PRCP: variants seen among roughly 807,000 people sequenced by gnomAD.
The protein encoded by PRCP is prolylcarboxypeptidase, also known as lysosomal Pro-X carboxypeptidase.
In PRCP, 46 loss-of-function variants were observed where a neutral mutation model predicts 54.2. The ratio of observed to expected loss-of-function variants is 0.85; its 90% CI spans 0.67 to 1.09. The LOEUF is 1.09. PRCP is among the 50% of genes least tolerant of loss of function. PRCP has a pLI of 0.00. For synonymous variants in PRCP, 240 were observed against 212.2 expected, an observed-to-expected ratio of 1.13 and a Z score of -1.14; for missense variants, 613 against 596.8, an observed-to-expected ratio of 1.03 and a Z score of -0.28.
intron 8 of PRCP, chr11:82,835,847 C>T: frequency 2.0e-6 from 1 of 499,086 alleles, no homozygotes. Flanking sequence ...TGACATTATG[C>T]TTGGCAATAA....
intron 7 of PRCP, among the ~76,000 whole-genome samples, 184 bp from the exon 8 acceptor site, chr11:82,838,758 G>C (rs1233570719): frequency 6.6e-6 from 1 of 152,112 alleles, no homozygotes; most frequent in African/African-American, 2.4e-5. Context: ...AAAAGACTTG[G>C]CCAAGAAGTC....
intron 5 of PRCP, among the ~76,000 whole-genome samples, 156 bp from the exon 6 acceptor site, chr11:82,849,374 C>G (rs1308877124): frequency 1.3e-5 from 2 of 152,212 alleles, no homozygotes; most frequent in Non-Finnish European, 2.9e-5. Context: ...CCATGACAGA[C>G]AAGTTGCCTA....
At chr11:82,851,753 C>G (rs181386066) in intron 3 of PRCP, among the ~76,000 whole-genome samples, 3 of 152,230 alleles carry the variant, frequency 2.0e-5, no homozygotes, top group Non-Finnish European at 2.9e-5. Flanking sequence ...TTTGGTCTCA[C>G]CATCCTGATT....
chr11:82,831,700 A>G (rs752308973), intron 8 of PRCP, among the ~76,000 whole-genome samples: 1 of 152,164 alleles, frequency 6.6e-6, no homozygotes, highest in Non-Finnish European at 1.5e-5. Context: ...GATACTTTCC[A>G]CAGGGCTCCT....
intron 1 of PRCP, among the ~76,000 whole-genome samples, chr11:82,897,255 AAATAATTAGTAAAG>A (rs1437649073): frequency 6.6e-6 from 1 of 152,216 alleles, no homozygotes; most frequent in Admixed American, 6.5e-5. Context: ...AAGGAGGAAA[AAATAATTAGTAAAG>A]AATTAAAGTA....
intron 3 of PRCP, among the ~76,000 whole-genome samples, chr11:82,852,837 G>C (rs1156527001): frequency 1.3e-5 from 2 of 152,010 alleles, no homozygotes; most frequent in African/African-American, 2.4e-5. Flanking sequence ...CCAGTGGCAG[G>C]CTCAATAATT....
At chr11:82,900,496 C>A, upstream of PRCP, 1 of 1,472,188 alleles carries the variant, frequency 6.8e-7, no homozygotes, top group Non-Finnish European at 9.2e-7. Flanking sequence ...CAGCTCCGCC[C>A]GCCGCAAAAC....
intron 1 of PRCP, among the ~76,000 whole-genome samples, chr11:82,866,095 T>A (rs1033373315): frequency 7.9e-5 from 12 of 152,220 alleles, no homozygotes; most frequent in African/African-American, 2.9e-4. Context: ...TTCTTCTTTA[T>A]TATGTCAAGG....
intron 2 of PRCP, among the ~76,000 whole-genome samples, chr11:82,854,329 T>C (rs1859028554): frequency 1.3e-5 from 2 of 152,090 alleles, no homozygotes; most frequent in Admixed American, 6.5e-5. Context: ...ATTTAATGTA[T>C]AAAAATCAGT....
At chr11:82,877,078 G>A (rs1859622228) in intron 1 of PRCP, among the ~76,000 whole-genome samples, 1 of 152,190 alleles carries the variant, frequency 6.6e-6, no homozygotes, top group Non-Finnish European at 1.5e-5. Context: ...GGTGACTCTT[G>A]TTATGTTTTA....
intron 1 of PRCP, among the ~76,000 whole-genome samples, chr11:82,899,300 A>G (rs1413200500): frequency 2.6e-5 from 4 of 152,210 alleles, no homozygotes; most frequent in African/African-American, 9.7e-5. Context: ...CTCTCATTCA[A>G]CCATCACCAC....
At chr11:82,843,016 A>G (rs1223514073) in intron 6 of PRCP, among the ~76,000 whole-genome samples, 1 of 152,246 alleles carries the variant, frequency 6.6e-6, no homozygotes, top group East Asian at 1.9e-4. Context: ...TTTAAAGACT[A>G]GAGTAACTCA....
intron 1 of PRCP, among the ~76,000 whole-genome samples, chr11:82,866,692 T>C (rs1859344784): frequency 6.6e-6 from 1 of 152,124 alleles, no homozygotes; most frequent in South Asian, 2.1e-4. Context: ...AGTGCCCTTG[T>C]ACATGGCAGA....
At chr11:82,900,846 C>T (rs1477883640), upstream of PRCP, 2 of 459,912 alleles carry the variant, frequency 4.3e-6, no homozygotes, top group Admixed American at 4.7e-5. Flanking sequence ...TCCTGCCTTC[C>T]GCAAATCCTA....
intron 8 of PRCP, chr11:82,828,397 T>C (rs528606648): frequency 2.0e-5 from 3 of 152,258 alleles, no homozygotes; most frequent in African/African-American, 4.8e-5. Flanking sequence ...CCTAATCTCA[T>C]TGAAACAGAT....
rs756222029 is a variant in PRCP at position 82,844,747 on chromosome 11, A to AAAAAG, written c.921+4301_921+4302insCTTTT. 1.3e-3 allele frequency among the ~76,000 whole-genome samples: 177 copies of AAAAAG among 136,072 alleles called. 2 individuals are homozygous for AAAAAG. The highest frequency in any genetic ancestry group is 3.8e-3 in the African/African-American group (132 of 34,806). The allele number at this position is 136,072 out of a possible 152,430, so 89.3% of individuals were successfully genotyped here. A position where few individuals can be genotyped will look rare whatever the true frequency, so the allele number is the denominator to read the frequency against. On this transcript the variant is annotated intron_variant, in intron 6 of 8. Transcript: ENST00000313010. ...GGCTCCGTCTCAAAAAAAAAAAAAA[A>AAAAAG]AAAGAAAGAAAGAAAGAAAGAAAAG...
chr11:82,879,108 G>GATA, intron 1 of PRCP, among the ~76,000 whole-genome samples: 1 of 152,270 alleles, frequency 6.6e-6, no homozygotes, highest in East Asian at 1.9e-4. Flanking sequence ...AGTTCTCCTG[G>GATA]ATAATATCCT....
intron 8 of PRCP, 106 bp downstream of exon 8, chr11:82,838,280 TG>T (rs1325794062): frequency 9.5e-7 from 1 of 1,056,812 alleles, no homozygotes; most frequent in Admixed American, 2.4e-5. Context: ...GTAGCACTGT[TG>T]TATTCTATGT....
intron 6 of PRCP, among the ~76,000 whole-genome samples, chr11:82,844,507 C>T (rs1276244741): frequency 6.6e-6 from 1 of 151,948 alleles, no homozygotes; most frequent in Non-Finnish European, 1.5e-5. Context: ...GAGGCTGAGG[C>T]GGGTGGATCA....
Sources: gnomAD v4.1 joint callset for allele counts (sites outside exome capture counted in the v4.1 genomes callset) on GRCh38, gnomAD v4.1.1 for gene constraint, MANE v1.5 for transcripts, NCBI Gene and HGNC (gene_info 2026-07-23, HGNC 2026-07-21) for gene names.